The following SLC16A7 variants were observed in gnomAD, a reference collection of about 807,000 sequenced individuals.
SLC16A7 encodes the protein solute carrier family 16 member 7.
In SLC16A7, 33 loss-of-function variants were observed where a neutral mutation model predicts 34.9. The ratio of observed to expected loss-of-function variants is 0.94; its 90% confidence interval spans 0.72 to 1.26. The LOEUF is 1.26. Ranked by LOEUF, SLC16A7 falls within the 50% of genes most tolerant of loss-of-function variation. The pLI, the probability that SLC16A7 is intolerant of heterozygous loss-of-function variation, is 0.00. For missense variants in SLC16A7, 573 were observed against 578.1 expected (o/e 0.99, Z 0.09); for synonymous variants, 201 against 206.6 (o/e 0.97, Z 0.23).
intron 2 of SLC16A7, chr12:59,689,493 C>G (rs537958284): frequency 6.6e-6 from 1 of 152,090 alleles, no homozygotes; most frequent in East Asian, 1.9e-4. Context: ...TGCTGTGGTA[C>G]TGTTCTTAAT....
chr12:59,605,410 C>A (rs1015163612), intron 1 of SLC16A7, among the ~76,000 whole-genome samples: 2 of 152,120 alleles, frequency 1.3e-5, no homozygotes, highest in African/African-American at 4.8e-5. Flanking sequence ...TGGCAAGACT[C>A]CCATGGAAGC....
chr12:59,697,109 C>A (rs1014496252), intron 2 of SLC16A7, among the ~76,000 whole-genome samples: 1 of 151,848 alleles, frequency 6.6e-6, no homozygotes, highest in Non-Finnish European at 1.5e-5. Flanking sequence ...TATAACAAAG[C>A]AGGAACAATT....
chr12:59,645,259 A>G (rs547870014), intron 1 of SLC16A7, among the ~76,000 whole-genome samples: 11 of 152,182 alleles, frequency 7.2e-5, no homozygotes, highest in Non-Finnish European at 1.6e-4. Context: ...CATGATGCTA[A>G]AAGAGAATAA....
intron 3 of SLC16A7, among the ~76,000 whole-genome samples, chr12:59,764,688 T>C (rs922703483): frequency 2.6e-5 from 4 of 152,108 alleles, no homozygotes; most frequent in Non-Finnish European, 5.9e-5. Flanking sequence ...CTGTATAATA[T>C]TCCATGGTGT....
intron 3 of SLC16A7, among the ~76,000 whole-genome samples, chr12:59,753,673 C>A (rs1324978374): frequency 2.6e-5 from 4 of 152,100 alleles, no homozygotes; most frequent in Non-Finnish European, 4.4e-5. Context: ...TTTAACACCC[C>A]ACTGTCAACA....
rs529072764 is a variant in SLC16A7, at chr12:59,710,472, G to T, written c.217+5454G>T. 2.0e-5 allele frequency among the ~76,000 whole-genome samples: 3 copies of T among 152,196 alleles called. No homozygotes were observed. In the South Asian group the frequency reaches 6.2e-4, roughly 32 times the overall value. ...CAGAGGTCAACAACAGATTGGAAGT[G>T]TGCTTAGAGCCTTTGAAATTATTCC... On this transcript the variant is annotated intron_variant, in intron 3 of 5. Transcript: ENST00000547379.
Position 59,774,676 on chromosome 12 carries a change from C to G in SLC16A7, c.381C>G (p.Asn127Lys). 1 of 1,590,292 alleles carries G rather than the reference C, an allele frequency of 6.3e-7. No individual in the cohort carries two copies. The highest frequency in any genetic ancestry group is 8.5e-7 in the Non-Finnish European group (1 of 1,170,330). Residue 127 changes from asparagine to lysine, a missense_variant, in exon 5 of 6, where the codon AAC becomes AAG. Coordinates refer to ENST00000547379, the MANE Select transcript of SLC16A7 (RefSeq NM_001270623.2). ...GFITGLGLAF[N>K]LQPALTIIGK... ...TTTTAGGTTTAGGTTTAGCCTTCAACCTGCAACCCGCCTTAACCATAATTG... is the reference window on the plus strand; with the variant it reads ...TTTTAGGTTTAGGTTTAGCCTTCAAGCTGCAACCCGCCTTAACCATAATTG...
At chr12:59,647,983 G>A (rs909445899) in intron 1 of SLC16A7, among the ~76,000 whole-genome samples, 5 of 152,070 alleles carry the variant, frequency 3.3e-5, no homozygotes, top group Non-Finnish European at 2.9e-5. Context: ...AACTTGGCGA[G>A]GTAAAAGCTG....
rs528201779 is a variant in SLC16A7 at position 59,756,786 on chromosome 12, G to A, written c.218-14433G>A. Among the ~76,000 whole-genome samples the A allele has an allele frequency of 4.0e-4, 54 of 134,282 alleles. 2 individuals are homozygous for A. The highest frequency in any genetic ancestry group is 1.3e-3 in the African/African-American group (41 of 32,538). 88.1% of individuals were successfully genotyped at this position (134,282 alleles called of 152,430 possible). ...TACCCAAAGGACTATAAATCATGCT[G>A]CTATAAAGACACATGCACACGTATA... On this transcript the variant is annotated intron_variant, in intron 3 of 5. Coordinates refer to ENST00000547379, the MANE Select transcript of SLC16A7 (RefSeq NM_001270623.2).
chr12:59,760,414 GTAATCTC>G (rs1227906652), intron 3 of SLC16A7, among the ~76,000 whole-genome samples: 1 of 152,052 alleles, frequency 6.6e-6, no homozygotes, highest in East Asian at 1.9e-4. Flanking sequence ...CGCATATTCA[GTAATCTC>G]TCCTTATCTG....
chr12:59,721,040 C>G (rs34038000), intron 3 of SLC16A7, among the ~76,000 whole-genome samples: 11,595 of 152,100 alleles, frequency 0.076, 535 homozygotes, highest in Middle Eastern at 0.18. Flanking sequence ...AAACCACACT[C>G]TAGGATTTAC....
chr12:59,678,166 C>T (rs1870459198), intron 2 of SLC16A7, among the ~76,000 whole-genome samples: 1 of 152,226 alleles, frequency 6.6e-6, no homozygotes, highest in South Asian at 2.1e-4. Context: ...TGAAGGGCCA[C>T]AGCTCTTCTC....
intron 1 of SLC16A7, among the ~76,000 whole-genome samples, chr12:59,600,027 G>A (rs940200781): frequency 2.0e-5 from 3 of 152,188 alleles, no homozygotes; most frequent in African/African-American, 7.2e-5. Context: ...TTTTAGCTTT[G>A]CCACTTATCA....
At chr12:59,727,455 T>C (rs1266321548) in intron 3 of SLC16A7, among the ~76,000 whole-genome samples, 3 of 152,148 alleles carry the variant, frequency 2.0e-5, no homozygotes, top group East Asian at 3.9e-4. Flanking sequence ...CCAGTTAGTA[T>C]GGTTTTGTGA....
At chr12:59,688,602 AT>A (rs1288498627) in intron 2 of SLC16A7, among the ~76,000 whole-genome samples, 1 of 152,062 alleles carries the variant, frequency 6.6e-6, no homozygotes, top group Non-Finnish European at 1.5e-5. Context: ...TATATATGCA[AT>A]TGGTAATCAG....
At chr12:59,631,611 C>T (rs1189800106) in intron 1 of SLC16A7, among the ~76,000 whole-genome samples, 1 of 151,948 alleles carries the variant, frequency 6.6e-6, no homozygotes, top group Non-Finnish European at 1.5e-5. Flanking sequence ...TAAACATGTG[C>T]CATGGTGGTT....
chr12:59,627,591 A>G (rs1879986042), intron 1 of SLC16A7, among the ~76,000 whole-genome samples: 1 of 151,734 alleles, frequency 6.6e-6, no homozygotes, highest in Non-Finnish European at 1.5e-5. Context: ...AAATGTGGAA[A>G]TTTTCTCTGG....
chr12:59,681,043 C>T (rs1214085109), intron 2 of SLC16A7, among the ~76,000 whole-genome samples: 1 of 152,160 alleles, frequency 6.6e-6, no homozygotes, highest in East Asian at 1.9e-4. Flanking sequence ...CTAGTGCTTC[C>T]AAAGTAACTG....
intron 3 of SLC16A7, among the ~76,000 whole-genome samples, chr12:59,766,204 T>C (rs1454240047): frequency 6.6e-6 from 1 of 152,342 alleles, no homozygotes; most frequent in East Asian, 1.9e-4. Context: ...TTGCTGAAGT[T>C]GCTTATCAGC....
Sources: allele counts gnomAD v4.1 joint callset (sites outside exome capture counted in the v4.1 genomes callset), GRCh38; gene constraint gnomAD v4.1.1; transcripts MANE v1.5; gene names NCBI Gene and HGNC (gene_info 2026-07-23, HGNC 2026-07-21).